GABRB1: variants seen among roughly 807,000 people sequenced by gnomAD.
The protein encoded by GABRB1 is gamma-aminobutyric acid type A receptor subunit beta1.
GABRB1 carries 17 observed loss-of-function variants against 51.6 expected under a neutral mutation model. The ratio of observed to expected loss-of-function variants is 0.33; its 90% CI spans 0.23 to 0.49. The LOEUF (loss-of-function observed/expected upper bound fraction) is 0.49. Among genes scored for constraint, GABRB1 ranks in the 20% least tolerant of loss-of-function variants. The probability of loss-of-function intolerance (pLI) is 0.99; values close to 1 mark genes in which losing one functional copy is unlikely to be tolerated. For missense variants in GABRB1, 410 were observed against 600.6 expected, an observed-to-expected ratio of 0.68 and a Z score of 3.32; for synonymous variants, 247 against 218.9, an observed-to-expected ratio of 1.13 and a Z score of -1.14.
At chr4:47,387,041 A>T (rs1727821656) in intron 5 of GABRB1, among the ~76,000 whole-genome samples, 1 of 152,244 alleles carries the variant, frequency 6.6e-6, no homozygotes. Context: ...ATTACCAGGG[A>T]AATCTTACAG....
At chr4:47,129,494 C>A (rs1021470421) in intron 3 of GABRB1, among the ~76,000 whole-genome samples, 1 of 152,130 alleles carries the variant, frequency 6.6e-6, no homozygotes, top group Non-Finnish European at 1.5e-5. Context: ...CTATGATGTG[C>A]CAGGCACTGT....
intron 4 of GABRB1, among the ~76,000 whole-genome samples, chr4:47,281,801 A>C (rs192562433): frequency 2.8e-4 from 43 of 152,342 alleles, no homozygotes; most frequent in African/African-American, 1.0e-3. Flanking sequence ...GACAAATACT[A>C]TGTGATGTCA....
rs748622435 is a variant in GABRB1, at chr4:47,161,232, C to G, written c.241-17C>G. 2.1e-5 allele frequency: 27 copies of G among 1,262,276 alleles called. No homozygotes were observed. Among genetic ancestry groups the G allele is most frequent in the Middle Eastern group, 2.5e-4 (1 of 3,996 alleles). The allele number at this position is 1,262,276 out of a possible 1,614,324, so 78.2% of individuals were successfully genotyped here. A position where few individuals can be genotyped will look rare whatever the true frequency, so the allele number is the denominator to read the frequency against. ...TAGTAAAATTCTTTTTTTTTTTTTG[C>G]TTTCTTTATTTCACAGGATTATACA... On this transcript the variant is annotated splice_polypyrimidine_tract_variant and intron_variant, in intron 3 of 8. Coordinates refer to ENST00000295454, the MANE Select transcript of GABRB1 (RefSeq NM_000812.4).
intron 3 of GABRB1, chr4:47,032,935 G>C: frequency 3.0e-6 from 1 of 332,354 alleles, no homozygotes; most frequent in Non-Finnish European, 6.1e-6. Context: ...ATGCACCAAG[G>C]CCCTGCCACC....
intron 1 of GABRB1, among the ~76,000 whole-genome samples, chr4:47,017,422 T>C (rs1724782953): frequency 6.6e-6 from 1 of 152,214 alleles, no homozygotes; most frequent in Non-Finnish European, 1.5e-5. Flanking sequence ...AACTGAGCAG[T>C]ATATATCATT....
At chr4:47,243,636 T>A (rs1341254830) in intron 4 of GABRB1, among the ~76,000 whole-genome samples, 1 of 152,214 alleles carries the variant, frequency 6.6e-6, no homozygotes, top group Admixed American at 6.5e-5. Flanking sequence ...GGTATTTTAT[T>A]CTCTTTGAAG....
chr4:47,360,539 A>C (rs904413803), intron 5 of GABRB1, among the ~76,000 whole-genome samples: 3 of 152,086 alleles, frequency 2.0e-5, no homozygotes, highest in African/African-American at 7.2e-5. Flanking sequence ...GTTGGAGTAA[A>C]AGTGCAGATA....
intron 4 of GABRB1, among the ~76,000 whole-genome samples, chr4:47,219,452 T>C (rs1165182594): frequency 6.6e-6 from 1 of 151,910 alleles, no homozygotes; most frequent in African/African-American, 2.4e-5. Context: ...TTATTTTGTA[T>C]TCTTCTAACC....
At chr4:47,298,222 A>T (rs1390159725) in intron 4 of GABRB1, among the ~76,000 whole-genome samples, 20 of 152,216 alleles carry the variant, frequency 1.3e-4, no homozygotes, top group Non-Finnish European at 2.1e-4. Context: ...TTCAACATAG[A>T]GTTGGAAGTT....
intron 5 of GABRB1, among the ~76,000 whole-genome samples, chr4:47,343,572 A>G (rs1191572228): frequency 6.6e-6 from 1 of 152,168 alleles, no homozygotes; most frequent in Non-Finnish European, 1.5e-5. Context: ...AACAGTTCCA[A>G]AGCTAAAAAT....
chr4:47,363,154 C>T lies in GABRB1; in HGVS notation c.545-40164C>T, dbSNP rs183853893. On this transcript the variant is annotated intron_variant, in intron 5 of 8. Coordinates refer to ENST00000295454, the MANE Select transcript of GABRB1 (RefSeq NM_000812.4). ...CATTTATTGAGAGATTACAATGTGC[C>T]AGGTAGAGTGGTAAGCACTTTACAC... Among the ~76,000 whole-genome samples, 6 of 152,102 alleles carry T rather than the reference C, an allele frequency of 3.9e-5. No individual in the cohort carries two copies. The East Asian group carries it at 1.2e-3, about 29-fold the overall frequency.
rs1306353775 is a variant in GABRB1 at position 47,282,091 on chromosome 4, AATTG to A, written c.462-38030_462-38027del. On this transcript the variant is annotated intron_variant, in intron 4 of 8. Coordinates refer to ENST00000295454, the MANE Select transcript of GABRB1 (RefSeq NM_000812.4). ...TGTTAAAATGATTGATATGCTAATT[AATTG>A]ATTGACTCTTTCTATAATAGAAGCA... 9.2e-5 allele frequency among the ~76,000 whole-genome samples: 14 copies of A among 152,342 alleles called. 1 individual carries two copies. The South Asian group carries it at 1.7e-3, about 18-fold the overall frequency.
At chr4:47,001,187 G>T (rs891015338) in intron 1 of GABRB1, among the ~76,000 whole-genome samples, 1 of 152,032 alleles carries the variant, frequency 6.6e-6, no homozygotes, top group Admixed American at 6.6e-5. Context: ...CTGTCGCCCA[G>T]GCTGGAGTAC....
intron 3 of GABRB1, among the ~76,000 whole-genome samples, chr4:47,123,859 T>C (rs1485780689): frequency 1.1e-5 from 1 of 93,618 alleles, no homozygotes; most frequent in East Asian, 2.7e-4. Context: ...TTATATCATA[T>C]ATATGATATA....
At chr4:47,087,703 T>G (rs1025674272) in intron 3 of GABRB1, among the ~76,000 whole-genome samples, 1 of 152,236 alleles carries the variant, frequency 6.6e-6, no homozygotes, top group Admixed American at 6.5e-5. Flanking sequence ...AGAAGTGTTT[T>G]GGAGAAACAG....
intron 5 of GABRB1, among the ~76,000 whole-genome samples, chr4:47,324,815 G>T (rs1325264867): frequency 6.6e-6 from 1 of 152,140 alleles, no homozygotes; most frequent in Non-Finnish European, 1.5e-5. Context: ...CCTTTCAAAT[G>T]AATTTCTTCC....
At chr4:47,330,586 A>G (rs960720713) in intron 5 of GABRB1, among the ~76,000 whole-genome samples, 4 of 152,194 alleles carry the variant, frequency 2.6e-5, no homozygotes, top group African/African-American at 9.6e-5. Context: ...TTCCCCTACC[A>G]CAGAGACACT....
At chr4:47,086,876 T>G (rs1728102429) in intron 3 of GABRB1, among the ~76,000 whole-genome samples, 1 of 152,190 alleles carries the variant, frequency 6.6e-6, no homozygotes, top group Non-Finnish European at 1.5e-5. Flanking sequence ...TTCTGATACC[T>G]CCATGGGAGT....
At chr4:47,113,326 C>A (rs1170860119) in intron 3 of GABRB1, among the ~76,000 whole-genome samples, 3 of 144,048 alleles carry the variant, frequency 2.1e-5, no homozygotes, top group African/African-American at 7.9e-5. Flanking sequence ...GCGGAGGTTG[C>A]AGTGAGCTGG....
Sources: allele counts gnomAD v4.1 joint callset (sites outside exome capture counted in the v4.1 genomes callset), GRCh38; gene constraint gnomAD v4.1.1; transcripts MANE v1.5; gene names NCBI Gene and HGNC (gene_info 2026-07-23, HGNC 2026-07-21).